The following ACO1 variants were observed in gnomAD, a reference collection of about 807,000 sequenced individuals.
The protein encoded by ACO1 is cytoplasmic aconitate hydratase.
In ACO1, 78 loss-of-function variants were observed where a neutral mutation model predicts 105.1. The observed-to-expected ratio is 0.74, with a 90% CI of 0.62 to 0.90. The LOEUF is 0.90. ACO1 is among the 40% of genes least tolerant of loss of function. The pLI is 0.00. For synonymous variants in ACO1, 364 were observed against 397.4 expected, an observed-to-expected ratio of 0.92 and a Z score of 1.00; for missense variants, 965 against 1,111.1, an observed-to-expected ratio of 0.87 and a Z score of 1.87.
At chr9:32,408,211 A>C (rs1223478162) in intron 3 of ACO1, among the ~76,000 whole-genome samples, 2 of 152,202 alleles carry the variant, frequency 1.3e-5, no homozygotes, top group Non-Finnish European at 2.9e-5. Flanking sequence ...CAGCAGTAAG[A>C]GTTCCAGAGT....
At chr9:32,400,838 A>C (rs1385190330) in intron 1 of ACO1, among the ~76,000 whole-genome samples, 1 of 152,168 alleles carries the variant, frequency 6.6e-6, no homozygotes, top group Non-Finnish European at 1.5e-5. Context: ...CCCTTTATAC[A>C]ATGTGTTATT....
chr9:32,394,883 T>C (rs897624338), intron 1 of ACO1, among the ~76,000 whole-genome samples: 3 of 152,134 alleles, frequency 2.0e-5, no homozygotes, highest in African/African-American at 7.2e-5. Context: ...TGAGACCAGG[T>C]TGGTGAGGTG....
intron 15 of ACO1, 72 bp from the exon 16 acceptor site, chr9:32,433,656 G>A (rs1174048752): frequency 8.7e-6 from 10 of 1,150,844 alleles, no homozygotes; most frequent in Non-Finnish European, 1.3e-5. Context: ...TTGAATGTAT[G>A]TTTTGTGTTT....
chr9:32,430,367 A>G, intron 13 of ACO1, 51 bp from the exon 14 acceptor site: 2 of 1,548,454 alleles, frequency 1.3e-6, no homozygotes, highest in Non-Finnish European at 1.7e-6. Flanking sequence ...CTGAGACAAG[A>G]AGCCTAGTCA....
rs1822828621 is a variant in ACO1 at position 32,454,152 on chromosome 9, G to A, written c.*4041G>A. On this transcript the variant is annotated 3_prime_UTR_variant, in exon 21 of 21. Transcript: ENST00000309951. ...CATTTGGGAACCACTGAGTTAAATG[G>A]GTTTTATCACTGCAGAACAGACACA... 1 of 152,130 alleles carries A rather than the reference G, an allele frequency of 6.6e-6. No individual in the cohort carries two copies. Among genetic ancestry groups the A allele is most frequent in the African/African-American group, 2.4e-5 (1 of 41,416 alleles). The allele number at this position is 152,130 out of a possible 1,614,324, so 9.4% of individuals were successfully genotyped here. A position where few individuals can be genotyped will look rare whatever the true frequency, so the allele number is the denominator to read the frequency against.
In ACO1 at chr9:32,452,503, T is replaced by G. The variant is rs1029409589; in HGVS notation, c.*2392T>G. 27 of 152,400 alleles carry G rather than the reference T, an allele frequency of 1.8e-4. No individual in the cohort carries two copies. Among genetic ancestry groups the G allele is most frequent in the African/African-American group, 6.5e-4 (27 of 41,564 alleles). The allele number at this position is 152,400 out of a possible 1,614,324, so 9.4% of individuals were successfully genotyped here. On this transcript the variant is annotated 3_prime_UTR_variant, in exon 21 of 21. Coordinates refer to ENST00000309951, the MANE Select transcript of ACO1 (RefSeq NM_002197.3). ...TCTGCCAGTGCCTTGAACCTAGACT[T>G]TCCAGCCAGAACTGTGAGAAATTTC...
chr9:32,386,661 T>G (rs1478196734), intron 1 of ACO1, among the ~76,000 whole-genome samples: 6 of 152,244 alleles, frequency 3.9e-5, no homozygotes, highest in Non-Finnish European at 8.8e-5. Context: ...TTGTGTGTGT[T>G]GCACAGTCCA....
At position 32,427,394 on chromosome 9, in the gene ACO1, A is replaced by G. The variant is rs150560966; in HGVS notation, c.1442A>G (p.Tyr481Cys). ...CCTGGGAGTGGCGTGGTCACCTACT[A>G]CCTACAAGAAAGCGGAGTCATGCCT... is the stretch of plus-strand genomic sequence containing the variant. ...LSPGSGVVTYYLQESGVMPYL... is the reference protein window; with the variant it reads ...LSPGSGVVTYCLQESGVMPYL... Residue 481 changes from tyrosine to cysteine, a missense_variant, in exon 12 of 21, where the codon TAC (tyrosine) becomes TGC (cysteine). Tyr to Cys is a radical substitution (Grantham distance 194). Coordinates refer to ENST00000309951, the MANE Select transcript of ACO1 (RefSeq NM_002197.3). 4.6e-5 allele frequency: 74 copies of G among 1,614,032 alleles called. No homozygotes were observed. Among genetic ancestry groups the G allele is most frequent in the Non-Finnish European group, 7.6e-6 (9 of 1,180,036 alleles).
At chr9:32,420,191 C>T (rs72561741) in intron 7 of ACO1, among the ~76,000 whole-genome samples, 1,581 of 104,706 alleles carry the variant, frequency 0.015, 29 homozygotes, top group African/African-American at 0.041. Flanking sequence ...TCACTCCTGG[C>T]TGGTGCCTTG....
intron 10 of ACO1, among the ~76,000 whole-genome samples, 190 bp from the exon 11 acceptor site, chr9:32,425,648 C>T (rs1822073454): frequency 6.6e-6 from 1 of 152,134 alleles, no homozygotes; most frequent in Non-Finnish European, 1.5e-5. Flanking sequence ...TTTTCTGTAG[C>T]ATTTCAGAGT....
chr9:32,418,952 T>C (rs1821910343), intron 6 of ACO1, 86 bp from the exon 7 acceptor site: 1 of 1,410,786 alleles, frequency 7.1e-7, no homozygotes, highest in East Asian at 2.5e-5. Context: ...ACTGGGTTTA[T>C]TACCTGTTAA....
At chr9:32,447,691 C>T (rs1822650719) in intron 19 of ACO1, among the ~76,000 whole-genome samples, 1 of 152,200 alleles carries the variant, frequency 6.6e-6, no homozygotes, top group Admixed American at 6.5e-5. Flanking sequence ...GGTTTCTCCC[C>T]ATCTTTGTGG....
chr9:32,432,303 G>C (rs77321099), intron 15 of ACO1, among the ~76,000 whole-genome samples: 1 of 152,142 alleles, frequency 6.6e-6, no homozygotes, highest in African/African-American at 2.4e-5. Flanking sequence ...AAAACTTTCC[G>C]TGCATTTTAC....
Position 32,427,338 on chromosome 9 carries a change from C to T in ACO1, c.1386C>T (p.Asn462=), listed in dbSNP as rs376893104. ...AGAAAGCTGTGGATGCTGGCCTGAA[C>T]GTGATGCCTTACATCAAAACTAGCC... ...LAKKAVDAGL[N]VMPYIKTSLS... is the part of the protein sequence containing the mutation. The change falls in exon 12 of 21, where the codon AAC becomes AAT. Residue 462 remains asparagine, a synonymous_variant. Coordinates refer to ENST00000309951, the MANE Select transcript of ACO1 (RefSeq NM_002197.3). 6 of 1,614,098 alleles carry T rather than the reference C, an allele frequency of 3.7e-6. No individual in the cohort carries two copies. Among genetic ancestry groups the T allele is most frequent in the African/African-American group, 2.7e-5 (2 of 74,946 alleles).
intron 20 of ACO1, 140 bp from the exon 21 acceptor site, chr9:32,449,858 A>G: frequency 1.5e-6 from 1 of 652,554 alleles, no homozygotes. Flanking sequence ...GGCTGGGGCC[A>G]GCAGCCTTGC....
chr9:32,396,555 C>G (rs759089871), intron 1 of ACO1, among the ~76,000 whole-genome samples: 1 of 151,912 alleles, frequency 6.6e-6, no homozygotes. Flanking sequence ...GGCCTTTGCA[C>G]GTGAGGTTAC....
At chr9:32,447,176 C>T (rs1033549229) in intron 19 of ACO1, among the ~76,000 whole-genome samples, 1 of 152,170 alleles carries the variant, frequency 6.6e-6, no homozygotes, top group Non-Finnish European at 1.5e-5. Flanking sequence ...AACTTGGTTT[C>T]ATTCTCCCTG....
At chr9:32,402,233 C>T (rs955998189) in intron 1 of ACO1, among the ~76,000 whole-genome samples, 2 of 151,744 alleles carry the variant, frequency 1.3e-5, no homozygotes, top group African/African-American at 4.8e-5. Context: ...TTCTTGCCAC[C>T]ATGTAGTATC....
intron 11 of ACO1, 66 bp downstream of exon 11, chr9:32,426,063 G>T: frequency 6.5e-7 from 1 of 1,542,366 alleles, no homozygotes; most frequent in Admixed American, 1.9e-5. Context: ...CCGAGACAGG[G>T]CCCAGGGCCT....
Sources: allele counts gnomAD v4.1 joint callset (sites outside exome capture counted in the v4.1 genomes callset), GRCh38; gene constraint gnomAD v4.1.1; transcripts MANE v1.5; gene names NCBI Gene and HGNC (gene_info 2026-07-23, HGNC 2026-07-21).